Variants in NOS1AP observed in about 807,000 individuals in gnomAD.
NOS1AP encodes the protein nitric oxide synthase 1 adaptor protein, also known as carboxyl-terminal PDZ ligand of neuronal nitric oxide synthase protein.
Under a neutral mutation model 56.2 loss-of-function variants are expected in NOS1AP, and 21 were observed. The ratio of observed to expected loss-of-function variants is 0.37; its 90% CI spans 0.26 to 0.54. The LOEUF (loss-of-function observed/expected upper bound fraction) is 0.54, where lower values mean the gene tolerates loss of function less well. NOS1AP is among the 20% of genes least tolerant of loss of function. The pLI is 0.84. For missense variants in NOS1AP, 522 were observed against 657.8 expected (o/e 0.79, Z 2.26); for synonymous variants, 270 against 274.6 (o/e 0.98, Z 0.17).
intron 2 of NOS1AP, among the ~76,000 whole-genome samples, chr1:162,173,835 A>C (rs980878781): frequency 3.7e-4 from 56 of 152,360 alleles, no homozygotes; most frequent in African/African-American, 1.3e-3. Context: ...CCATCAGAGA[A>C]ATGCAAATCA....
chr1:162,350,269 A>T (rs1032388764), intron 6 of NOS1AP, among the ~76,000 whole-genome samples: 1 of 152,198 alleles, frequency 6.6e-6, no homozygotes, highest in Non-Finnish European at 1.5e-5. Flanking sequence ...CTGTCTTGTC[A>T]TGTCTTTTCA....
chr1:162,352,208 T>TGC lies in NOS1AP; in HGVS notation c.596-2979_596-2978insGC, dbSNP rs1557889242. ...CCAAGCAGCTGGGATTACAGGCATG[T>TGC]ACCACCATGCCCAGCTAATTTTTGT... On this transcript the variant is annotated intron_variant, in intron 6 of 9. Transcript: ENST00000361897. Among the ~76,000 whole-genome samples, 222 of 152,116 alleles carry TGC rather than the reference T, an allele frequency of 1.5e-3. 3 individuals are homozygous for TGC. The Middle Eastern group carries it at 0.017, about 12-fold the overall frequency.
chr1:162,076,147 C>T (rs1691763699), intron 1 of NOS1AP, among the ~76,000 whole-genome samples: 1 of 152,168 alleles, frequency 6.6e-6, no homozygotes, highest in Admixed American at 6.5e-5. Context: ...GCTATAATTA[C>T]CTGCCTTCCC....
At chr1:162,144,324 C>T (rs1649359962) in intron 1 of NOS1AP, among the ~76,000 whole-genome samples, 1 of 152,240 alleles carries the variant, frequency 6.6e-6, no homozygotes, top group Admixed American at 6.5e-5. Flanking sequence ...GGTTCTGATT[C>T]TGCCACTCAC....
chr1:162,253,410 T>C (rs1224821141), intron 2 of NOS1AP, among the ~76,000 whole-genome samples: 2 of 152,200 alleles, frequency 1.3e-5, no homozygotes, highest in Non-Finnish European at 2.9e-5. Flanking sequence ...GTTAAGTCTG[T>C]TTCTCATGGG....
chr1:162,102,172 C>T (rs1647304689), intron 1 of NOS1AP, among the ~76,000 whole-genome samples: 1 of 151,760 alleles, frequency 6.6e-6, no homozygotes, highest in Non-Finnish European at 1.5e-5. Context: ...GAATTTTATC[C>T]AAGGTCATTT....
At chr1:162,287,481 G>A in intron 3 of NOS1AP, 45 bp downstream of exon 3, 2 of 1,333,414 alleles carry the variant, frequency 1.5e-6, no homozygotes, top group South Asian at 2.3e-5. Context: ...GGAAAGCAGG[G>A]GAGGTAGGCA....
chr1:162,337,375 T>C (rs1232714026), intron 5 of NOS1AP, among the ~76,000 whole-genome samples: 1 of 152,212 alleles, frequency 6.6e-6, no homozygotes, highest in African/African-American at 2.4e-5. Flanking sequence ...GAGGTTGCAA[T>C]GGATTTTGAA....
intron 8 of NOS1AP, among the ~76,000 whole-genome samples, chr1:162,358,004 T>A (rs1483263904): frequency 2.0e-5 from 3 of 152,118 alleles, no homozygotes; most frequent in Non-Finnish European, 4.4e-5. Flanking sequence ...GATGAGTGCA[T>A]GAAGATCTTA....
At position 162,291,906 on chromosome 1, in the gene NOS1AP, G is replaced by T. The variant is rs1303027441; in HGVS notation, c.270+4470G>T. Among the ~76,000 whole-genome samples the T allele has an allele frequency of 2.6e-5, 4 of 152,240 alleles. No individual in the cohort carries two copies. The East Asian group carries it at 5.8e-4, about 22-fold the overall frequency. On this transcript the variant is annotated intron_variant, in intron 3 of 9. Coordinates refer to ENST00000361897, the MANE Select transcript of NOS1AP (RefSeq NM_014697.3). ...TTAGTTATTATAATACTGGAATCAC[G>T]CTATAGCACCATTTGCTAGGGAGTG...
intron 1 of NOS1AP, among the ~76,000 whole-genome samples, chr1:162,124,872 T>C (rs1490242048): frequency 2.0e-5 from 3 of 152,134 alleles, no homozygotes; most frequent in African/African-American, 7.2e-5. Flanking sequence ...GGCACTTAGG[T>C]TGATTCCTTG....
chr1:162,303,462 A>G (rs1655724465), intron 4 of NOS1AP, among the ~76,000 whole-genome samples: 1 of 152,156 alleles, frequency 6.6e-6, no homozygotes, highest in South Asian at 2.1e-4. Context: ...TTGTTTTGAG[A>G]CAGGGTCTTA....
At chr1:162,206,863 G>C (rs1043964054) in intron 2 of NOS1AP, among the ~76,000 whole-genome samples, 2 of 152,156 alleles carry the variant, frequency 1.3e-5, no homozygotes, top group African/African-American at 4.8e-5. Context: ...TTCTCAAAAC[G>C]TGGTTGCTTG....
intron 2 of NOS1AP, among the ~76,000 whole-genome samples, chr1:162,197,913 C>G (rs953735973): frequency 6.6e-6 from 1 of 152,224 alleles, no homozygotes; most frequent in Non-Finnish European, 1.5e-5. Flanking sequence ...GTTCAGGGCT[C>G]TGTGGGAGAG....
intron 1 of NOS1AP, among the ~76,000 whole-genome samples, chr1:162,148,693 A>G (rs1649584141): frequency 6.6e-6 from 1 of 152,222 alleles, no homozygotes; most frequent in African/African-American, 2.4e-5. Context: ...CAAGTGTGGG[A>G]GGTTCTTAAA....
At chr1:162,211,514 A>G (rs1652347029) in intron 2 of NOS1AP, among the ~76,000 whole-genome samples, 1 of 152,206 alleles carries the variant, frequency 6.6e-6, no homozygotes, top group South Asian at 2.1e-4. Flanking sequence ...TTAGGGCTTC[A>G]GTGCAGAATG....
At chr1:162,223,799 C>G (rs1652858431) in intron 2 of NOS1AP, among the ~76,000 whole-genome samples, 1 of 152,032 alleles carries the variant, frequency 6.6e-6, no homozygotes. Flanking sequence ...GCAGTTTAGT[C>G]TATTTGAAGG....
intron 2 of NOS1AP, among the ~76,000 whole-genome samples, chr1:162,234,906 C>T (rs1008056607): frequency 6.6e-6 from 1 of 152,250 alleles, no homozygotes; most frequent in Non-Finnish European, 1.5e-5. Context: ...ACCCTGCAAT[C>T]GGCTGTTGAG....
intron 1 of NOS1AP, among the ~76,000 whole-genome samples, chr1:162,090,279 G>A (rs1441529256): frequency 6.6e-6 from 1 of 150,968 alleles, no homozygotes; most frequent in Non-Finnish European, 1.5e-5. Context: ...TCTACTTCTG[G>A]CATAAAGCTT....
Sources: allele counts gnomAD v4.1 joint callset (sites outside exome capture counted in the v4.1 genomes callset), GRCh38; gene constraint gnomAD v4.1.1; transcripts MANE v1.5; gene names NCBI Gene and HGNC (gene_info 2026-07-23, HGNC 2026-07-21).